ST7: variants seen among roughly 807,000 people sequenced by gnomAD.
ST7 encodes the protein suppression of tumorigenicity 7, also known as suppressor of tumorigenicity 7 protein.
Under a neutral mutation model 78.7 loss-of-function variants are expected in ST7, and 28 were observed. The ratio of observed to expected loss-of-function variants is 0.36; its 90% CI spans 0.26 to 0.49. ST7 has a LOEUF of 0.49. Ranked by LOEUF, ST7 falls within the 20% of genes least tolerant of loss-of-function variation. ST7 has a pLI of 0.99. For missense variants in ST7, 418 were observed against 696.0 expected, an observed-to-expected ratio of 0.60 and a Z score of 4.49; for synonymous variants, 247 against 249.6, an observed-to-expected ratio of 0.99 and a Z score of 0.10.
chr7:117,187,527 T>C (rs544125921), intron 10 of ST7: 83 of 152,324 alleles, frequency 5.4e-4, no homozygotes, highest in African/African-American at 1.9e-3. Flanking sequence ...GTCAGGATTC[T>C]AGATTAAAGA....
At chr7:116,975,819 C>A (rs1236021306) in intron 1 of ST7, among the ~76,000 whole-genome samples, 1 of 151,780 alleles carries the variant, frequency 6.6e-6, no homozygotes, top group African/African-American at 2.4e-5. Flanking sequence ...AATATTAGAT[C>A]TGATTGGTCT....
chr7:117,104,410 A>T (rs539479441), intron 2 of ST7, among the ~76,000 whole-genome samples: 1 of 152,216 alleles, frequency 6.6e-6, no homozygotes, highest in Admixed American at 6.5e-5. Context: ...ACTGCACTCT[A>T]GCCTGGGCAA....
chr7:117,000,186 C>T (rs986001232), intron 1 of ST7, among the ~76,000 whole-genome samples: 1 of 152,166 alleles, frequency 6.6e-6, no homozygotes, highest in African/African-American at 2.4e-5. Flanking sequence ...CTTTCTGTTA[C>T]TGACACTGAA....
At chr7:117,015,016 T>C in intron 1 of ST7, 1 of 1,279,554 alleles carries the variant, frequency 7.8e-7, no homozygotes, top group East Asian at 2.8e-5. Flanking sequence ...ATTATACAGG[T>C]AAAATTAAAT....
chr7:117,220,936 G>A (rs1423560911), intron 14 of ST7, among the ~76,000 whole-genome samples: 1 of 152,146 alleles, frequency 6.6e-6, no homozygotes, highest in Non-Finnish European at 1.5e-5. Context: ...GAGCTGAATG[G>A]TAGAGGAAAG....
rs189960616 is a variant in ST7, at chr7:117,171,574, A to C, written c.1078+598A>C. 4.6e-5 allele frequency among the ~76,000 whole-genome samples: 7 copies of C among 151,668 alleles called. No homozygotes were observed. The East Asian group carries it at 1.2e-3, about 25-fold the overall frequency. On this transcript the variant is annotated intron_variant, in intron 10 of 15. Transcript: ENST00000323984. Reference sequence around the variant, plus strand: ...GGTTACTCACTCATGAACTTATTCCATTTTGCCTGTTCCTAAGAAACCAGA... The same window carrying C: ...GGTTACTCACTCATGAACTTATTCCCTTTTGCCTGTTCCTAAGAAACCAGA...
At chr7:117,006,582 C>T (rs1795166513) in intron 1 of ST7, among the ~76,000 whole-genome samples, 1 of 152,138 alleles carries the variant, frequency 6.6e-6, no homozygotes, top group South Asian at 2.1e-4. Flanking sequence ...AGAAATATAC[C>T]TAATTCCTAC....
At chr7:117,223,815 C>A in intron 15 of ST7, 2 of 288,668 alleles carry the variant, frequency 6.9e-6, no homozygotes, top group Non-Finnish European at 1.0e-5. Context: ...TCCTTGAGAG[C>A]AGAACGGTGT....
At chr7:117,107,464 G>A (rs1181207671) in intron 2 of ST7, among the ~76,000 whole-genome samples, 4 of 152,058 alleles carry the variant, frequency 2.6e-5, no homozygotes, top group Non-Finnish European at 5.9e-5. Context: ...CATTCTTGCA[G>A]GGGTGAAGTG....
intron 2 of ST7, among the ~76,000 whole-genome samples, chr7:117,111,398 A>G (rs1802419385): frequency 6.6e-6 from 1 of 152,236 alleles, no homozygotes; most frequent in Non-Finnish European, 1.5e-5. Context: ...GCTGGAGACT[A>G]AAATTATCAA....
At chr7:117,162,518 G>A (rs1361646450) in intron 9 of ST7, among the ~76,000 whole-genome samples, 1 of 148,910 alleles carries the variant, frequency 6.7e-6, no homozygotes, top group Admixed American at 6.6e-5. Context: ...TATTTGTGGG[G>A]ATATTCACTA....
At chr7:116,989,246 G>A (rs1442111499) in intron 1 of ST7, among the ~76,000 whole-genome samples, 1 of 152,144 alleles carries the variant, frequency 6.6e-6, no homozygotes, top group Non-Finnish European at 1.5e-5. Context: ...ATCTTCCCTT[G>A]CATTGGCCAC....
intron 9 of ST7, among the ~76,000 whole-genome samples, chr7:117,143,418 TA>T (rs1398548256): frequency 6.6e-6 from 1 of 152,224 alleles, no homozygotes; most frequent in Non-Finnish European, 1.5e-5. Flanking sequence ...TAAAATCTCA[TA>T]ATCTCTTTGC....
At chr7:117,081,358 A>G (rs1381057053) in intron 1 of ST7, among the ~76,000 whole-genome samples, 3 of 152,116 alleles carry the variant, frequency 2.0e-5, no homozygotes, top group African/African-American at 4.8e-5. Context: ...TCAATTTTAA[A>G]TGCTTCTCAA....
intron 13 of ST7, among the ~76,000 whole-genome samples, chr7:117,212,581 C>T (rs1327004328): frequency 1.3e-5 from 2 of 151,870 alleles, no homozygotes; most frequent in East Asian, 3.9e-4. Flanking sequence ...TTTTAAATAT[C>T]GAATGAGACC....
chr7:117,201,361 T>G (rs1810828357), intron 12 of ST7, among the ~76,000 whole-genome samples: 1 of 152,100 alleles, frequency 6.6e-6, no homozygotes, highest in African/African-American at 2.4e-5. Flanking sequence ...CAAAAAGCAC[T>G]GCAGCTGCTT....
chr7:116,956,797 A>C, intron 1 of ST7: 1 of 370,598 alleles, frequency 2.7e-6, no homozygotes, highest in Non-Finnish European at 5.4e-6. Context: ...TATGATAAGA[A>C]AGATGAATGA....
intron 9 of ST7, among the ~76,000 whole-genome samples, chr7:117,149,102 C>T (rs1488359400): frequency 6.6e-6 from 1 of 152,164 alleles, no homozygotes; most frequent in Admixed American, 6.5e-5. Flanking sequence ...GCTATCTCTA[C>T]TGCTTGTTAA....
intron 11 of ST7, 43 bp downstream of exon 11, chr7:117,189,436 A>T: frequency 6.7e-7 from 1 of 1,487,302 alleles, no homozygotes; most frequent in Non-Finnish European, 9.2e-7. Flanking sequence ...CCTGACCGGA[A>T]TTGAGATGTG....
Sources: allele counts gnomAD v4.1 joint callset (sites outside exome capture counted in the v4.1 genomes callset), GRCh38; gene constraint gnomAD v4.1.1; transcripts MANE v1.5; gene names NCBI Gene and HGNC (gene_info 2026-07-23, HGNC 2026-07-21).